GALNT13: variants seen among roughly 807,000 people sequenced by gnomAD.
GALNT13 encodes the protein UDP-GalNAc:polypeptide N-acetylgalactosaminyltransferase 13.
A neutral mutation model predicts 64.2 loss-of-function variants in GALNT13; 28 were observed. The ratio of observed to expected loss-of-function variants is 0.44; its 90% confidence interval spans 0.32 to 0.60. The LOEUF (loss-of-function observed/expected upper bound fraction) is 0.60. Among genes scored for constraint, GALNT13 ranks in the 20% least tolerant of loss-of-function variants. The probability of loss-of-function intolerance (pLI) is 0.05; values close to 1 mark genes in which losing one functional copy is unlikely to be tolerated. For synonymous variants in GALNT13, 214 were observed against 224.6 expected (o/e 0.95, Z 0.42); for missense variants, 577 against 669.8 (o/e 0.86, Z 1.53).
chr2:153,276,724 T>C, the GALNT13 span, among the ~76,000 whole-genome samples: 1 of 152,136 alleles, frequency 6.6e-6, no homozygotes, highest in Non-Finnish European at 1.5e-5. Context: ...ATATTGGATG[T>C]TTTGCCTATT....
intron 3 of GALNT13, among the ~76,000 whole-genome samples, chr2:154,002,274 T>C (rs1695962671): frequency 6.6e-6 from 1 of 152,086 alleles, no homozygotes; most frequent in African/African-American, 2.4e-5. Context: ...TGTTTTTTTC[T>C]TTTGTCTCCT....
chr2:153,660,260 A>G, the GALNT13 span, among the ~76,000 whole-genome samples: 4 of 152,128 alleles, frequency 2.6e-5, no homozygotes, highest in Non-Finnish European at 4.4e-5. Flanking sequence ...CCAGAATGTG[A>G]CTGTCAAGGA....
rs962956639 is a variant in GALNT13 at position 154,228,097 on chromosome 2, G to A, written c.312-13933G>A. On this transcript the variant is annotated intron_variant, in intron 4 of 12. Coordinates refer to ENST00000392825, the MANE Select transcript of GALNT13 (RefSeq NM_052917.4). ...TGAATCCAATTTTTCTGAAATAGATGATTCTTATGATTCAGATGATTCTGA... is the reference window on the plus strand; with the variant it reads ...TGAATCCAATTTTTCTGAAATAGATAATTCTTATGATTCAGATGATTCTGA... Among the ~76,000 whole-genome samples the A allele has an allele frequency of 7.9e-5, 12 of 152,048 alleles. 1 individual carries two copies.
At chr2:153,598,511 T>C in the GALNT13 span, among the ~76,000 whole-genome samples, 2 of 152,106 alleles carry the variant, frequency 1.3e-5, no homozygotes, top group African/African-American at 2.4e-5. Context: ...TACATGATGC[T>C]AAATGTTCTA....
chr2:153,587,237 A>AAC, the GALNT13 span, among the ~76,000 whole-genome samples: 1 of 129,268 alleles, frequency 7.7e-6, no homozygotes, highest in Non-Finnish European at 1.9e-5. Flanking sequence ...TGTCTCAAAA[A>AAC]AAAAAAAAAA....
the GALNT13 span, among the ~76,000 whole-genome samples, chr2:153,806,532 C>G: frequency 3.9e-5 from 6 of 151,928 alleles, no homozygotes; most frequent in East Asian, 1.9e-4. Context: ...TCAATTTAAG[C>G]ATTGAATATC....
the GALNT13 span, among the ~76,000 whole-genome samples, chr2:153,403,982 A>G: frequency 9.2e-5 from 14 of 152,186 alleles, no homozygotes; most frequent in Non-Finnish European, 1.6e-4. Context: ...TTGAAATTCT[A>G]ATCCACAAAT....
chr2:153,642,463 C>T, the GALNT13 span, among the ~76,000 whole-genome samples: 1 of 151,630 alleles, frequency 6.6e-6, no homozygotes, highest in African/African-American at 2.4e-5. Flanking sequence ...TTTAATCAGA[C>T]AAAATAAATG....
chr2:153,837,071 G>A, the GALNT13 span, among the ~76,000 whole-genome samples: 35,890 of 139,034 alleles, frequency 0.26, 5,263 homozygotes, highest in Middle Eastern at 0.38. Context: ...TAGATCCCTG[G>A]GGAATCGCCA....
the GALNT13 span, among the ~76,000 whole-genome samples, chr2:153,098,363 T>C: frequency 6.6e-6 from 1 of 152,196 alleles, no homozygotes; most frequent in Admixed American, 6.6e-5. Context: ...TTATTTAATT[T>C]CTGTAAAGTG....
chr2:153,637,014 A>G, the GALNT13 span, among the ~76,000 whole-genome samples: 342 of 152,204 alleles, frequency 2.2e-3, 3 homozygotes, highest in Non-Finnish European at 3.9e-3. Context: ...TATTTTATTG[A>G]CAGGGACTGC....
chr2:153,084,159 G>T, the GALNT13 span, among the ~76,000 whole-genome samples: 6 of 152,148 alleles, frequency 3.9e-5, no homozygotes, highest in Non-Finnish European at 7.4e-5. Flanking sequence ...ATAATTTGAA[G>T]TTGGATAATG....
At chr2:153,560,211 A>G in the GALNT13 span, among the ~76,000 whole-genome samples, 2 of 152,060 alleles carry the variant, frequency 1.3e-5, no homozygotes, top group Admixed American at 1.3e-4. Flanking sequence ...ATTCTTTACT[A>G]GTGGGTTAAC....
At chr2:154,087,130 A>G (rs1448611030) in intron 3 of GALNT13, among the ~76,000 whole-genome samples, 1 of 152,092 alleles carries the variant, frequency 6.6e-6, no homozygotes, top group African/African-American at 2.4e-5. Flanking sequence ...GAAGAAAGGC[A>G]TTTCTAACAA....
the GALNT13 span, among the ~76,000 whole-genome samples, chr2:153,787,268 G>T: frequency 1.5e-3 from 228 of 152,180 alleles, no homozygotes; most frequent in Middle Eastern, 3.4e-3. Context: ...CTGAGCAAAA[G>T]CCTACCAACT....
At chr2:153,468,531 T>C in the GALNT13 span, among the ~76,000 whole-genome samples, 1 of 152,084 alleles carries the variant, frequency 6.6e-6, no homozygotes, top group South Asian at 2.1e-4. Flanking sequence ...CATCACATTC[T>C]CCTTTGAAAT....
the GALNT13 span, among the ~76,000 whole-genome samples, chr2:153,246,601 G>A: frequency 1.3e-5 from 2 of 152,174 alleles, no homozygotes; most frequent in South Asian, 4.1e-4. Flanking sequence ...CAAATGCTGA[G>A]GGATTTTGTC....
the GALNT13 span, among the ~76,000 whole-genome samples, chr2:153,860,110 A>T: frequency 6.6e-6 from 1 of 152,238 alleles, no homozygotes; most frequent in East Asian, 1.9e-4. Flanking sequence ...ATTGAAAGTA[A>T]GTTACTTTCA....
the GALNT13 span, among the ~76,000 whole-genome samples, chr2:153,654,981 C>T: frequency 0.21 from 31,410 of 151,900 alleles, 4,156 homozygotes; most frequent in Middle Eastern, 0.44. Context: ...AGCATAGCAC[C>T]TAACTTATGT....
Sources: allele counts gnomAD v4.1 joint callset (sites outside exome capture counted in the v4.1 genomes callset), GRCh38; gene constraint gnomAD v4.1.1; transcripts MANE v1.5; gene names NCBI Gene and HGNC (gene_info 2026-07-23, HGNC 2026-07-21).